The following ANO7 variants were observed in gnomAD, a reference collection of about 807,000 sequenced individuals.
ANO7 encodes the protein anoctamin 7, also known as anoctamin-7.
In ANO7, 114 loss-of-function variants were observed where a neutral mutation model predicts 115.8. That is an observed-to-expected ratio of 0.98 (90% CI 0.85 to 1.15). The LOEUF is 1.15. ANO7 is among the 50% of genes most tolerant of loss of function. ANO7 has a pLI of 0.00. For missense variants in ANO7, 1,302 were observed against 1,201.2 expected (o/e 1.08, Z -1.24); for synonymous variants, 550 against 498.2 (o/e 1.10, Z -1.38).
At chr2:241,224,011 C>G (rs2149281592) in intron 24 of ANO7, 56 bp downstream of exon 24, 1 of 1,613,256 alleles carries the variant, frequency 6.2e-7, no homozygotes, top group Middle Eastern at 1.6e-4. Context: ...GTCACAGGGC[C>G]CTGCCCAGCC....
Position 241,216,248 on chromosome 2 carries a change from C to T in ANO7, c.1972+10C>T, listed in dbSNP as rs748503361. 30 of 1,578,944 alleles carry T rather than the reference C, an allele frequency of 1.9e-5. No homozygotes were observed. The Admixed American group carries it at 3.6e-4, about 19-fold the overall frequency. ...GAGTACCTGGAAATGGGTAGGAGCC[C>T]GTTAGCAGCTGCGGCAATGGCTGGC... On this transcript the variant is annotated intron_variant, in intron 19 of 24. Coordinates refer to ENST00000674324, the MANE Select transcript of ANO7 (RefSeq NM_001370694.2).
At chr2:241,202,750 C>A (rs1462915438) in intron 8 of ANO7, among the ~76,000 whole-genome samples, 1 of 152,230 alleles carries the variant, frequency 6.6e-6, no homozygotes, top group Non-Finnish European at 1.5e-5. Context: ...CTGTGGGGAG[C>A]AGAAGGCCAT....
intron 3 of ANO7, among the ~76,000 whole-genome samples, chr2:241,194,508 T>C (rs1045173136): frequency 1.3e-5 from 2 of 151,638 alleles, no homozygotes; most frequent in Non-Finnish European, 2.9e-5. Flanking sequence ...TTAGTAGATA[T>C]GGGGTTTCAC....
In ANO7 at chr2:241,200,182, C is replaced by T. The variant is rs754803385; in HGVS notation, c.511C>T (p.Pro171Ser). ...GCTGGAGGTTGTGCCAGACGTACCC[C>T]CCGAGTACTACTCCTGCCGGTTCAG... The part of the protein sequence containing the change: ...VLLEVVPDVP[P>S]EYYSCRFRVN... Residue 171 changes from proline to serine, a missense_variant, in exon 6 of 25, where the codon CCC becomes TCC. By Grantham distance (74) the Pro-to-Ser change is moderately conservative. Transcript: ENST00000674324. 2 of 1,613,124 alleles carry T rather than the reference C, an allele frequency of 1.2e-6. No homozygotes were observed. The highest frequency in any genetic ancestry group is 1.3e-5 in the African/African-American group (1 of 74,932).
Position 241,190,009 on chromosome 2 carries a change from C to G in ANO7, c.-7-48C>G, listed in dbSNP as rs1479860906. 6 of 1,464,662 alleles carry G rather than the reference C, an allele frequency of 4.1e-6. No homozygotes were observed. In the Admixed American group the frequency reaches 1.0e-4, roughly 25 times the overall value. 90.7% of individuals were successfully genotyped at this position (1,464,662 alleles called of 1,614,324 possible). ...GTGGTGGCCCCAGGAACGGGTCTCA[C>G]CCATCCCCTCTCTGACCCCCATCCC... On this transcript the variant is annotated intron_variant, in intron 1 of 24. Transcript: ENST00000674324.
chr2:241,236,453 A>G, the ANO7 span: 1 of 705,902 alleles, frequency 1.4e-6, no homozygotes, highest in South Asian at 1.8e-5. Flanking sequence ...CTCTGTGTCC[A>G]GCCGAGAAGC....
the ANO7 span, among the ~76,000 whole-genome samples, chr2:241,234,677 C>T: frequency 6.6e-6 from 1 of 152,230 alleles, no homozygotes; most frequent in Non-Finnish European, 1.5e-5. Context: ...TACAATCCTT[C>T]AAACGTCAGC....
chr2:241,240,283 A>G, the ANO7 span: 4 of 673,702 alleles, frequency 5.9e-6, no homozygotes, highest in Non-Finnish European at 1.1e-5. This position sits in a 1 kb window ranked among gnomAD's most constrained non-coding sequence, Gnocchi z 5.5. Flanking sequence ...AGCACACCTC[A>G]CTGAATAAAC....
At chr2:241,205,889 GAC>G (rs1263429675) in intron 10 of ANO7, among the ~76,000 whole-genome samples, 3 of 63,676 alleles carry the variant, frequency 4.7e-5, no homozygotes, top group African/African-American at 7.1e-5. Context: ...CTACCAGGCT[GAC>G]ACAGGTGGAC....
At chr2:241,216,979 G>A (rs910920283) in intron 19 of ANO7, among the ~76,000 whole-genome samples, 10 of 152,118 alleles carry the variant, frequency 6.6e-5, no homozygotes, top group Admixed American at 2.0e-4. Flanking sequence ...GATTACAGGC[G>A]CCCACCACCA....
chr2:241,192,107 C>T (rs149240907), intron 3 of ANO7, among the ~76,000 whole-genome samples: 3,736 of 152,292 alleles, frequency 0.025, 144 homozygotes, highest in African/African-American at 0.084. Context: ...GAGGCCAAGG[C>T]GGGTGGATCA....
chr2:241,238,796 A>G, the ANO7 span: 1 of 1,476,802 alleles, frequency 6.8e-7, no homozygotes, highest in Non-Finnish European at 9.1e-7. This position sits in a 1 kb window ranked among gnomAD's most constrained non-coding sequence, Gnocchi z 4.9. Context: ...TCCTGGAGGG[A>G]GGTACACAAA....
chr2:241,210,164 C>T, intron 13 of ANO7, 131 bp from the exon 14 acceptor site: 1 of 841,812 alleles, frequency 1.2e-6, no homozygotes, highest in Non-Finnish European at 2.0e-6. Context: ...GGGCTGGAGG[C>T]AGGGGCCTTC....
At chr2:241,238,801 C>T in the ANO7 span, 46 of 1,470,304 alleles carry the variant, frequency 3.1e-5, no homozygotes, top group South Asian at 6.4e-4. The surrounding 1 kb of genome is among the most constrained non-coding windows in gnomAD (Gnocchi z 4.9). Flanking sequence ...GAGGGAGGTA[C>T]ACAAAGAAAA....
At chr2:241,228,322 C>T (rs2069326657), downstream of ANO7, 1 of 152,404 alleles carries the variant, frequency 6.6e-6, no homozygotes, top group Admixed American at 6.5e-5. Flanking sequence ...CAGATGCCTC[C>T]CTCGGAGAGC....
At chr2:241,239,652 C>T in the ANO7 span, 1 of 1,614,228 alleles carries the variant, frequency 6.2e-7, no homozygotes, top group Non-Finnish European at 8.5e-7. This position sits in a 1 kb window ranked among gnomAD's most constrained non-coding sequence, Gnocchi z 4.6. Context: ...TCCACACAGT[C>T]CTTGGCGCCC....
At chr2:241,189,194 C>CT (rs2068129106) in intron 1 of ANO7, among the ~76,000 whole-genome samples, 2 of 151,152 alleles carry the variant, frequency 1.3e-5, no homozygotes, top group South Asian at 2.1e-4. Context: ...AGCCTGGGGC[C>CT]GGGGCCGAGT....
intron 19 of ANO7, 125 bp from the exon 20 acceptor site, chr2:241,217,561 G>A: frequency 1.8e-6 from 2 of 1,106,622 alleles, no homozygotes; most frequent in Middle Eastern, 2.8e-4. Context: ...CCAGGAGGTG[G>A]GGGCGGAATG....
At chr2:241,211,776 C>G (rs574775559) in intron 15 of ANO7, among the ~76,000 whole-genome samples, 6 of 152,256 alleles carry the variant, frequency 3.9e-5, no homozygotes, top group African/African-American at 1.4e-4. Context: ...GCACCTGCAC[C>G]GGAGCCCAGT....
Sources: allele counts gnomAD v4.1 joint callset (sites outside exome capture counted in the v4.1 genomes callset), GRCh38; gene constraint gnomAD v4.1.1; non-coding constraint Gnocchi (gnomAD v3.1); transcripts MANE v1.5; gene names NCBI Gene and HGNC (gene_info 2026-07-23, HGNC 2026-07-21).